ROBO1: variants seen among roughly 807,000 people sequenced by gnomAD.
The protein encoded by ROBO1 is roundabout homolog 1.
A neutral mutation model predicts 195.9 loss-of-function variants in ROBO1; 149 were observed. That is an observed-to-expected ratio of 0.76 (90% CI 0.67 to 0.87). ROBO1 has a LOEUF of 0.87. Among genes scored for constraint, ROBO1 ranks in the 40% least tolerant of loss-of-function variants. ROBO1 has a pLI of 0.00. For synonymous variants in ROBO1, 816 were observed against 733.2 expected (o/e 1.11, Z -1.82); for missense variants, 1,933 against 2,068.3 (o/e 0.93, Z 1.27).
At chr3:78,601,978 C>CATATATATGTATAATATAATT (rs1703197879) in intron 29 of ROBO1, among the ~76,000 whole-genome samples, 2 of 151,420 alleles carry the variant, frequency 1.3e-5, no homozygotes, top group Admixed American at 1.3e-4. Flanking sequence ...GTATATAATT[C>CATATATATGTATAATATAATT]ATATATATGT....
At chr3:78,696,002 C>T (rs969550420) in intron 8 of ROBO1, among the ~76,000 whole-genome samples, 1 of 152,038 alleles carries the variant, frequency 6.6e-6, no homozygotes, top group Non-Finnish European at 1.5e-5. Context: ...TCATATTTCT[C>T]CTTTCTCTAC....
rs185955274 is a variant in ROBO1, at chr3:79,138,511, T to C, written c.89-12972A>G. ...ATAAATCCAATTCAGAACTACAGTA[T>C]GGTAAATTACTATTTCTAATAGAAT... On this transcript the variant is annotated intron_variant, in intron 2 of 30. Transcript: ENST00000464233. Among the ~76,000 whole-genome samples, 262 of 152,176 alleles carry C rather than the reference T, an allele frequency of 1.7e-3. 5 individuals carry two copies. The highest frequency in any genetic ancestry group is 0.017 in the Admixed American group (254 of 15,282).
At chr3:79,749,729 C>A (rs952977906) in intron 1 of ROBO1, among the ~76,000 whole-genome samples, 6 of 152,174 alleles carry the variant, frequency 3.9e-5, no homozygotes, top group African/African-American at 1.4e-4. Context: ...CCTACAAGTG[C>A]ACAGAAGTCA....
chr3:79,090,315 GGCT>G, intron 3 of ROBO1, among the ~76,000 whole-genome samples: 1 of 152,016 alleles, frequency 6.6e-6, no homozygotes, highest in East Asian at 1.9e-4. Context: ...ATTTGTTTTT[GGCT>G]ATAAATCATA....
intron 2 of ROBO1, among the ~76,000 whole-genome samples, chr3:79,182,424 G>T (rs1042905998): frequency 1.3e-5 from 2 of 151,528 alleles, no homozygotes; most frequent in African/African-American, 4.9e-5. Context: ...AGTTATTTCA[G>T]CCTATAAATA....
At chr3:79,433,485 C>G (rs1443094028) in intron 2 of ROBO1, among the ~76,000 whole-genome samples, 2 of 151,990 alleles carry the variant, frequency 1.3e-5, no homozygotes, top group Non-Finnish European at 2.9e-5. Context: ...ATCAGACTTG[C>G]ACTCCTAGAC....
intron 1 of ROBO1, among the ~76,000 whole-genome samples, chr3:79,700,465 G>A (rs934821477): frequency 2.0e-5 from 3 of 151,668 alleles, no homozygotes; most frequent in African/African-American, 7.3e-5. Flanking sequence ...TTTCCACAGT[G>A]GCTGAACTAA....
chr3:79,001,960 T>C (rs937202642), intron 3 of ROBO1, among the ~76,000 whole-genome samples: 3 of 152,142 alleles, frequency 2.0e-5, no homozygotes, highest in Non-Finnish European at 4.4e-5. Context: ...AAATGATCAG[T>C]TTAGAATTTC....
At chr3:79,736,449 G>A (rs954519358) in intron 1 of ROBO1, among the ~76,000 whole-genome samples, 5 of 152,198 alleles carry the variant, frequency 3.3e-5, no homozygotes, top group Admixed American at 2.0e-4. Flanking sequence ...TGGCTTCTAT[G>A]AGGAGAATTG....
At chr3:79,092,335 GT>G (rs930945260) in intron 3 of ROBO1, among the ~76,000 whole-genome samples, 1 of 151,996 alleles carries the variant, frequency 6.6e-6, no homozygotes, top group East Asian at 1.9e-4. Context: ...AGTTCAGAAA[GT>G]TTTTTTACTA....
chr3:79,563,343 G>A (rs1942986551), intron 2 of ROBO1, among the ~76,000 whole-genome samples: 1 of 152,046 alleles, frequency 6.6e-6, no homozygotes, highest in South Asian at 2.1e-4. Flanking sequence ...GATGTAATCA[G>A]AAACACCCCA....
intron 2 of ROBO1, among the ~76,000 whole-genome samples, chr3:79,238,050 C>A (rs1359709974): frequency 6.6e-6 from 1 of 152,136 alleles, no homozygotes; most frequent in East Asian, 1.9e-4. Flanking sequence ...CTGCTTTTTC[C>A]TTTGCTCAGG....
At chr3:79,466,968 T>C (rs1173719840) in intron 2 of ROBO1, among the ~76,000 whole-genome samples, 1 of 152,078 alleles carries the variant, frequency 6.6e-6, no homozygotes, top group Non-Finnish European at 1.5e-5. Context: ...GGGATGAGAA[T>C]CAGTTCATCT....
intron 2 of ROBO1, among the ~76,000 whole-genome samples, chr3:79,453,595 T>TA (rs955748721): frequency 1.3e-5 from 2 of 152,064 alleles, no homozygotes; most frequent in African/African-American, 4.8e-5. Context: ...CAGGAACTGC[T>TA]AAAATTAGTA....
chr3:79,398,803 A>T (rs991575695), intron 2 of ROBO1, among the ~76,000 whole-genome samples: 4 of 152,116 alleles, frequency 2.6e-5, no homozygotes, highest in African/African-American at 9.7e-5. Context: ...CAACTTTTTT[A>T]AAAAAGGTTA....
intron 2 of ROBO1, among the ~76,000 whole-genome samples, chr3:79,453,827 C>T (rs2039524198): frequency 6.6e-6 from 1 of 152,090 alleles, no homozygotes. Flanking sequence ...TGCACTGAAT[C>T]TCACTAATTA....
At chr3:78,879,993 T>G (rs1277236318) in intron 4 of ROBO1, among the ~76,000 whole-genome samples, 1 of 152,116 alleles carries the variant, frequency 6.6e-6, no homozygotes, top group Non-Finnish European at 1.5e-5. Context: ...TACTCCACAG[T>G]GATATATAAT....
intron 4 of ROBO1, among the ~76,000 whole-genome samples, chr3:78,802,232 A>C (rs1433583282): frequency 6.6e-6 from 1 of 152,120 alleles, no homozygotes; most frequent in African/African-American, 2.4e-5. Flanking sequence ...ATTTTCTACA[A>C]AAGCATGCTT....
intron 4 of ROBO1, among the ~76,000 whole-genome samples, chr3:78,855,099 G>A (rs957779002): frequency 6.6e-6 from 1 of 151,934 alleles, no homozygotes; most frequent in Non-Finnish European, 1.5e-5. Flanking sequence ...ATCCCTTCCT[G>A]GGGACACACA....
Sources: allele counts gnomAD v4.1 joint callset (sites outside exome capture counted in the v4.1 genomes callset), GRCh38; gene constraint gnomAD v4.1.1; transcripts MANE v1.5; gene names NCBI Gene and HGNC (gene_info 2026-07-23, HGNC 2026-07-21).